The following IL12RB2 variants were observed in gnomAD, a reference collection of about 807,000 sequenced individuals.
IL12RB2 encodes interleukin 12 receptor subunit beta 2.
In IL12RB2, 82 loss-of-function variants were observed where a neutral mutation model predicts 89.4. The ratio of observed to expected loss-of-function variants is 0.92; its 90% CI spans 0.77 to 1.10. The LOEUF is 1.10. Among genes scored for constraint, IL12RB2 ranks in the 50% least tolerant of loss-of-function variants. The probability of loss-of-function intolerance (pLI) is 0.00; values close to 1 mark genes in which losing one functional copy is unlikely to be tolerated. For synonymous variants in IL12RB2, 368 were observed against 370.1 expected (o/e 0.99, Z 0.07); for missense variants, 963 against 1,031.9 (o/e 0.93, Z 0.92).
At chr1:67,335,442 G>A (rs893857316) in intron 8 of IL12RB2, among the ~76,000 whole-genome samples, 20 of 152,166 alleles carry the variant, frequency 1.3e-4, no homozygotes, top group African/African-American at 4.8e-4. Context: ...ATTTCCATCT[G>A]ATTTCTTCCT....
chr1:67,382,184 C>A (rs1332332292), intron 14 of IL12RB2, among the ~76,000 whole-genome samples: 3 of 152,134 alleles, frequency 2.0e-5, no homozygotes, highest in East Asian at 1.9e-4. Context: ...GAGTTCCACA[C>A]CTGCCTGGGC....
chr1:67,321,372 T>C (rs968520155), intron 3 of IL12RB2, among the ~76,000 whole-genome samples: 3 of 152,160 alleles, frequency 2.0e-5, no homozygotes, highest in East Asian at 3.9e-4. Flanking sequence ...GATTATAGTA[T>C]TACTGTTATG....
chr1:67,310,524 G>A (rs1226284133), intron 1 of IL12RB2, among the ~76,000 whole-genome samples: 1 of 152,212 alleles, frequency 6.6e-6, no homozygotes, highest in Non-Finnish European at 1.5e-5. Context: ...TGTTAAATCA[G>A]ATGAATGGGC....
chr1:67,375,807 T>C (rs1663900316), intron 13 of IL12RB2, among the ~76,000 whole-genome samples: 1 of 151,814 alleles, frequency 6.6e-6, no homozygotes, highest in South Asian at 2.1e-4. Flanking sequence ...CATGTTGCCA[T>C]GTGTACCAGT....
Position 67,330,821 on chromosome 1 carries a change from A to G in IL12RB2, c.958+11A>G, listed in dbSNP as rs1657980587. On this transcript the variant is annotated intron_variant, in intron 8 of 16. Coordinates refer to ENST00000674203, the MANE Select transcript of IL12RB2 (RefSeq NM_001374259.2). ...AAACACCAGAAGAAGGTATATGTCC[A>G]AAATATACATACCTATCGGGGAGCA... The G allele has an allele frequency of 7.0e-7, 1 of 1,434,116 alleles. No homozygotes were observed. Among genetic ancestry groups the G allele is most frequent in the African/African-American group, 1.4e-5 (1 of 71,526 alleles). 88.8% of individuals were successfully genotyped at this position (1,434,116 alleles called of 1,614,324 possible). A position where few individuals can be genotyped will look rare whatever the true frequency, so the allele number is the denominator to read the frequency against.
At position 67,338,679 on chromosome 1, in the gene IL12RB2, A is replaced by G; in HGVS notation, c.1014A>G (p.Arg338=). 6.5e-7 allele frequency: 1 copy of G among 1,534,350 alleles called. No homozygotes were observed. The highest frequency in any genetic ancestry group is 9.0e-7 in the Non-Finnish European group (1 of 1,107,220). ...WYMKRHIDYS[R]QQISLFWKNL... ...TGAAACGGCACATTGACTACAGTAGACAACAGATTTCTCTTTTCTGGAAGG... is the reference window on the plus strand; with the variant it reads ...TGAAACGGCACATTGACTACAGTAGGCAACAGATTTCTCTTTTCTGGAAGG... Residue 338 remains arginine (R), a synonymous_variant, in exon 9 of 17, where the codon AGA becomes AGG. Coordinates refer to ENST00000674203, the MANE Select transcript of IL12RB2 (RefSeq NM_001374259.2).
At chr1:67,321,450 C>T (rs1656504341) in intron 3 of IL12RB2, 152 bp from the exon 4 acceptor site, 5 of 679,098 alleles carry the variant, frequency 7.4e-6, no homozygotes, top group Non-Finnish European at 1.1e-5. Context: ...TTTCATTGTA[C>T]ATCACCATTA....
chr1:67,367,363 C>G, intron 10 of IL12RB2, among the ~76,000 whole-genome samples: 1 of 150,348 alleles, frequency 6.7e-6, no homozygotes. Flanking sequence ...CCACTGCACT[C>G]CAGCCTGGGT....
chr1:67,328,899 A>T (rs1569815645), intron 6 of IL12RB2, among the ~76,000 whole-genome samples: 1 of 152,324 alleles, frequency 6.6e-6, no homozygotes, highest in East Asian at 1.9e-4. Context: ...TACATTTCTG[A>T]GCAAATGTAA....
rs1460665919 is a variant in IL12RB2, at chr1:67,326,834, C to T, written c.464C>T (p.Thr155Ile). 2.5e-6 allele frequency: 4 copies of T among 1,611,556 alleles called. No homozygotes were observed. Among genetic ancestry groups the T allele is most frequent in the Non-Finnish European group, 3.4e-6 (4 of 1,178,348 alleles). The change falls in exon 5 of 17, where the codon ACT becomes ATT. Residue 155 changes from threonine to isoleucine, a missense_variant. Physicochemically the swap from Thr to Ile is moderately conservative, Grantham distance 89. Coordinates refer to ENST00000674203, the MANE Select transcript of IL12RB2 (RefSeq NM_001374259.2). ...WERGRDTHLY[T>I]EYTLQLSGPK... ...AGAGGACGAGACACCCACTTATACA[C>T]TGAGTATACTCTACAGTGAGTGAGA...
chr1:67,394,250 G>C (rs1265110120), intron 16 of IL12RB2, among the ~76,000 whole-genome samples: 1 of 152,202 alleles, frequency 6.6e-6, no homozygotes, highest in Non-Finnish European at 1.5e-5. Context: ...GACTGTGCAT[G>C]TAAGCCAAGT....
Position 67,396,396 on chromosome 1 carries a change from G to A in IL12RB2, c.*307G>A, listed in dbSNP as rs1271851298. 1 of 484,798 alleles carries A rather than the reference G, an allele frequency of 2.1e-6. No individual in the cohort carries two copies. Among genetic ancestry groups the A allele is most frequent in the Non-Finnish European group, 3.8e-6 (1 of 263,236 alleles). The allele number at this position is 484,798 out of a possible 1,614,324, so 30.0% of individuals were successfully genotyped here. A position where few individuals can be genotyped will look rare whatever the true frequency, so the allele number is the denominator to read the frequency against. On this transcript the variant is annotated 3_prime_UTR_variant, in exon 17 of 17. Coordinates refer to ENST00000674203, the MANE Select transcript of IL12RB2 (RefSeq NM_001374259.2). ...GCCAGAAAGGGAAATGAGGAGGAGA[G>A]TAGAAACCACAGCTCTTAGTAGTAA...
At chr1:67,381,770 A>AC (rs1664608968) in intron 14 of IL12RB2, among the ~76,000 whole-genome samples, 1 of 70,926 alleles carries the variant, frequency 1.4e-5, no homozygotes, top group Non-Finnish European at 2.8e-5. Context: ...TGTTTCAAAA[A>AC]AAAAAAAAAA....
At chr1:67,308,924 G>A (rs1474086268) in intron 1 of IL12RB2, among the ~76,000 whole-genome samples, 1 of 152,076 alleles carries the variant, frequency 6.6e-6, no homozygotes, top group Non-Finnish European at 1.5e-5. Context: ...GGAGACTGAG[G>A]CAGGAGAATT....
chr1:67,336,357 G>A (rs762491522), intron 8 of IL12RB2, among the ~76,000 whole-genome samples: 7 of 152,118 alleles, frequency 4.6e-5, no homozygotes, highest in East Asian at 1.9e-4. Flanking sequence ...TATAGTGTCC[G>A]GACACCACCT....
intron 10 of IL12RB2, among the ~76,000 whole-genome samples, chr1:67,355,224 G>A (rs1416601392): frequency 5.3e-5 from 8 of 152,152 alleles, no homozygotes; most frequent in East Asian, 1.9e-4. Context: ...AACCAGCCTG[G>A]CCAATACAGT....
chr1:67,335,007 T>C (rs774475383), intron 8 of IL12RB2, among the ~76,000 whole-genome samples: 69 of 152,244 alleles, frequency 4.5e-4, no homozygotes, highest in Admixed American at 8.5e-4. Context: ...GAAAGTGTTA[T>C]GTTTAAGATT....
intron 10 of IL12RB2, among the ~76,000 whole-genome samples, chr1:67,354,904 C>T (rs1207393570): frequency 2.0e-5 from 3 of 152,168 alleles, no homozygotes; most frequent in Non-Finnish European, 2.9e-5. Flanking sequence ...AAAGCACCTG[C>T]CATAGCATTG....
intron 8 of IL12RB2, among the ~76,000 whole-genome samples, chr1:67,334,073 G>A (rs1298478104): frequency 6.6e-6 from 1 of 152,194 alleles, no homozygotes; most frequent in Non-Finnish European, 1.5e-5. Context: ...GCAAGGGTGA[G>A]GGGTGAATAA....
Sources: gnomAD v4.1 joint callset for allele counts (sites outside exome capture counted in the v4.1 genomes callset) on GRCh38, gnomAD v4.1.1 for gene constraint, MANE v1.5 for transcripts, NCBI Gene and HGNC (gene_info 2026-07-23, HGNC 2026-07-21) for gene names.